The following GNG7 variants were observed in gnomAD, a reference collection of about 807,000 sequenced individuals.
GNG7 encodes guanine nucleotide-binding protein G(I)/G(S)/G(O) subunit gamma-7.
Under a neutral mutation model 4.0 loss-of-function variants are expected in GNG7, and 1 was observed. That is an observed-to-expected ratio of 0.25 (90% CI 0.09 to 1.18). The LOEUF is 1.18. GNG7 is among the 50% of genes most tolerant of loss of function. The pLI is 0.50. For missense variants in GNG7, 86 were observed against 91.9 expected, an observed-to-expected ratio of 0.94 and a Z score of 0.26; for synonymous variants, 34 against 36.9, an observed-to-expected ratio of 0.92 and a Z score of 0.29.
chr19:2,595,621 G>A (rs1980994226), intron 2 of GNG7, among the ~76,000 whole-genome samples: 1 of 151,620 alleles, frequency 6.6e-6, no homozygotes. Flanking sequence ...TGTAATCCCA[G>A]CTACTCGGGA....
At chr19:2,699,901 C>T (rs961334256) in intron 1 of GNG7, among the ~76,000 whole-genome samples, 4 of 152,152 alleles carry the variant, frequency 2.6e-5, no homozygotes, top group South Asian at 2.1e-4. Context: ...TGGTTCCTTA[C>T]GGGGTGCCCC....
At chr19:2,640,064 GGGAGAGAGGGAA>G (rs1982460087) in intron 2 of GNG7, among the ~76,000 whole-genome samples, 1 of 105,046 alleles carries the variant, frequency 9.5e-6, no homozygotes, top group African/African-American at 3.7e-5. Context: ...GAAGGAGGGA[GGGAGAGAGGGAA>G]GGAGGGAGGG....
chr19:2,650,594 G>A lies in GNG7; in HGVS notation c.-134-4314C>T, dbSNP rs114740811. Among the ~76,000 whole-genome samples the A allele has an allele frequency of 6.2e-3, 940 of 152,310 alleles. 8 individuals are homozygous for A. The highest frequency in any genetic ancestry group is 0.022 in the African/African-American group (905 of 41,576). ...TGGCTGTCCTCAAGACCTTGGACTT[G>A]GCAGTGAGGCGATCCCTGCGGATGC... is the stretch of plus-strand genomic sequence containing the variant. On this transcript the variant is annotated intron_variant, in intron 1 of 4. Transcript: ENST00000382159.
intron 2 of GNG7, among the ~76,000 whole-genome samples, chr19:2,613,851 T>C (rs926275867): frequency 3.3e-5 from 5 of 151,978 alleles, no homozygotes; most frequent in African/African-American, 1.2e-4. Context: ...ATTTAATTAA[T>C]TGGTGAGGGG....
rs574815584 is a variant in GNG7 at position 2,538,411 on chromosome 19, C to T, written c.-38+16738G>A. On this transcript the variant is annotated intron_variant, in intron 3 of 4. Coordinates refer to ENST00000382159, the MANE Select transcript of GNG7 (RefSeq NM_052847.3). ...GCCAAGGCTGGAGGATCATTTGAGG[C>T]CAGGAGTTTGAGACCAGCCTGGGCA... 3.7e-4 allele frequency: 144 copies of T among 388,126 alleles called. 3 individuals carry two copies. The highest frequency in any genetic ancestry group is 2.6e-3 in the South Asian group (140 of 53,546). The allele number at this position is 388,126 out of a possible 1,614,324, so 24.0% of individuals were successfully genotyped here.
chr19:2,638,092 C>T (rs1327078297), intron 2 of GNG7, among the ~76,000 whole-genome samples: 3 of 152,042 alleles, frequency 2.0e-5, no homozygotes, highest in Middle Eastern at 3.4e-3. Context: ...GGGCCGGGTG[C>T]GGTGGCTCAC....
At chr19:2,694,472 C>T (rs561936353) in intron 1 of GNG7, among the ~76,000 whole-genome samples, 147 of 151,348 alleles carry the variant, frequency 9.7e-4, no homozygotes, top group African/African-American at 3.2e-3. Context: ...GTGCCCAGGA[C>T]GGCCCCACCC....
chr19:2,694,987 A>G (rs1913211005), intron 1 of GNG7, among the ~76,000 whole-genome samples: 1 of 152,034 alleles, frequency 6.6e-6, no homozygotes, highest in Non-Finnish European at 1.5e-5. Context: ...CAGCCTAGGC[A>G]ATACAGGGGG....
At chr19:2,661,298 GAAAGAGAAAGAA>G (rs1230815585) in intron 1 of GNG7, among the ~76,000 whole-genome samples, 121 of 35,956 alleles carry the variant, frequency 3.4e-3, no homozygotes, top group Middle Eastern at 0.017. Context: ...AAGAAAGAAA[GAAAGAGAAAGAA>G]AGAAAGAAAG....
intron 4 of GNG7, among the ~76,000 whole-genome samples, chr19:2,516,676 G>T (rs545428801): frequency 6.6e-6 from 1 of 152,320 alleles, no homozygotes; most frequent in East Asian, 1.9e-4. Context: ...ATAGGAAAAC[G>T]CTGCCTGCAC....
intron 1 of GNG7, among the ~76,000 whole-genome samples, chr19:2,679,107 G>A (rs1460552152): frequency 6.6e-6 from 1 of 152,138 alleles, no homozygotes; most frequent in Admixed American, 6.6e-5. Context: ...GAATGCAGTG[G>A]TGCAATCATA....
At chr19:2,676,778 A>G (rs914854722) in intron 1 of GNG7, among the ~76,000 whole-genome samples, 5 of 147,422 alleles carry the variant, frequency 3.4e-5, no homozygotes, top group Non-Finnish European at 5.9e-5. Flanking sequence ...AGGAGCTTGC[A>G]CCACTTCCTA....
intron 3 of GNG7, among the ~76,000 whole-genome samples, chr19:2,532,163 A>AAC (rs1555691350): frequency 0.14 from 14,305 of 98,688 alleles, 833 homozygotes; most frequent in African/African-American, 0.21. Flanking sequence ...AAAAAAAAAC[A>AAC]AAAAAAAAAA....
At chr19:2,573,019 C>CTT (rs1201908411) in intron 2 of GNG7, among the ~76,000 whole-genome samples, 73 of 132,830 alleles carry the variant, frequency 5.5e-4, no homozygotes, top group South Asian at 9.8e-4. Flanking sequence ...GAAATTTCTC[C>CTT]TTTTTTTTTT....
Position 2,556,635 on chromosome 19 carries a change from G to A in GNG7, c.-77-1447C>T, listed in dbSNP as rs1022179014. On this transcript the variant is annotated intron_variant, in intron 2 of 4. Coordinates refer to ENST00000382159, the MANE Select transcript of GNG7 (RefSeq NM_052847.3). ...ATTGGAGGCCAAGGAAGCTGAGGTC[G>A]GCGGGAAGCCTCCTCACCTTGCAGC... Among the ~76,000 whole-genome samples the A allele has an allele frequency of 8.5e-5, 13 of 152,222 alleles. No homozygotes were observed. The South Asian group carries it at 1.7e-3, about 19-fold the overall frequency.
In GNG7 at chr19:2,617,910, C is replaced by T. The variant is rs1415767257; in HGVS notation, c.-78+28314G>A. ...ATTTTTTAAATGTTTTGTAGAGATA[C>T]GGTCCTGCTATGTTGCCCAGGCTGG... On this transcript the variant is annotated intron_variant, in intron 2 of 4. Transcript: ENST00000382159. This position sits in a 1 kb window ranked among gnomAD's most constrained non-coding sequence, Gnocchi z 4.7. Among the ~76,000 whole-genome samples, 2 of 151,724 alleles carry T rather than the reference C, an allele frequency of 1.3e-5. No homozygotes were observed. Among genetic ancestry groups the T allele is most frequent in the East Asian group, 1.9e-4 (1 of 5,174 alleles).
chr19:2,700,310 T>G (rs1291740497), intron 1 of GNG7, among the ~76,000 whole-genome samples: 1 of 151,988 alleles, frequency 6.6e-6, no homozygotes, highest in Non-Finnish European at 1.5e-5. Context: ...CCCAGCTAAT[T>G]TTTGATATTT....
rs999128046 is a variant in GNG7, at chr19:2,653,712, C to T, written c.-134-7432G>A. Among the ~76,000 whole-genome samples the T allele has an allele frequency of 1.2e-4, 19 of 152,236 alleles. No homozygotes were observed. Among genetic ancestry groups the T allele is most frequent in the Admixed American group, 7.8e-4 (12 of 15,292 alleles). Reference sequence around the variant, plus strand: ...GGGCATCCCCCATCTAGAGCTGTTCCGTTGCCTTGAATTTCTGCCCTCTGG... The same window carrying T: ...GGGCATCCCCCATCTAGAGCTGTTCTGTTGCCTTGAATTTCTGCCCTCTGG... On this transcript the variant is annotated intron_variant, in intron 1 of 4. Coordinates refer to ENST00000382159, the MANE Select transcript of GNG7 (RefSeq NM_052847.3). This position sits in a 1 kb window ranked among gnomAD's most constrained non-coding sequence, Gnocchi z 4.8.
chr19:2,624,513 A>G (rs982741865), intron 2 of GNG7, among the ~76,000 whole-genome samples: 23 of 147,710 alleles, frequency 1.6e-4, no homozygotes, highest in African/African-American at 5.3e-4. Flanking sequence ...CCTGGGAGAC[A>G]GCGAGACTCC....
Sources: allele counts gnomAD v4.1 joint callset (sites outside exome capture counted in the v4.1 genomes callset), GRCh38; gene constraint gnomAD v4.1.1; non-coding constraint Gnocchi (gnomAD v3.1); transcripts MANE v1.5; gene names NCBI Gene and HGNC (gene_info 2026-07-23, HGNC 2026-07-21).